Variants in NADK observed in about 807,000 individuals in gnomAD.
The protein encoded by NADK is poly(P)/ATP NAD kinase.
In NADK, 22 loss-of-function variants were observed where a neutral mutation model predicts 49.8. The observed-to-expected ratio is 0.44, with a 90% CI of 0.32 to 0.63. The LOEUF (loss-of-function observed/expected upper bound fraction) is 0.63. Ranked by LOEUF, NADK falls within the 30% of genes least tolerant of loss-of-function variation. The pLI is 0.06. For missense variants in NADK, 438 were observed against 609.4 expected (o/e 0.72, Z 2.96); for synonymous variants, 268 against 253.7 (o/e 1.06, Z -0.54).
rs1354983554 is a variant in NADK at position 1,771,089 on chromosome 1, CAT to C, written c.-40-5645_-40-5644del. Among the ~76,000 whole-genome samples, 31 of 145,314 alleles carry C rather than the reference CAT, an allele frequency of 2.1e-4. 1 individual carries two copies. In the South Asian group the frequency reaches 2.4e-3, roughly 11 times the overall value. On this transcript the variant is annotated intron_variant, in intron 1 of 11. Transcript: ENST00000341426. ...ATATATATATATACACACACACACA[CAT>C]ATATTATTAAAAATATATATCTTAT...
At position 1,757,384 on chromosome 1, in the gene NADK, T is replaced by A. The variant is rs866675255; in HGVS notation, c.264-74A>T. The A allele has an allele frequency of 1.1e-4, 128 of 1,123,732 alleles. 1 individual carries two copies. Among genetic ancestry groups the A allele is most frequent in the African/African-American group, 1.1e-3 (65 of 60,876 alleles). The allele number at this position is 1,123,732 out of a possible 1,614,324, so 69.6% of individuals were successfully genotyped here. A position where few individuals can be genotyped will look rare whatever the true frequency, so the allele number is the denominator to read the frequency against. On this transcript the variant is annotated intron_variant, in intron 3 of 11. Coordinates refer to ENST00000341426, the MANE Select transcript of NADK (RefSeq NM_023018.5). ...CGGAAAAGGTGTATGACTTAGAAAATAAAAAAAAAAATCTTTAAAAAGGTG... is the reference window on the plus strand; with the variant it reads ...CGGAAAAGGTGTATGACTTAGAAAAAAAAAAAAAAAATCTTTAAAAAGGTG...
chr1:1,761,234 G>GC (rs569528574), intron 3 of NADK, among the ~76,000 whole-genome samples: 371 of 152,182 alleles, frequency 2.4e-3, no homozygotes, highest in Non-Finnish European at 3.9e-3. Context: ...CTCGTGATCC[G>GC]CCCCCCTTGG....
At chr1:1,759,885 A>C (rs1179668190) in intron 3 of NADK, 1 of 1,550,644 alleles carries the variant, frequency 6.4e-7, no homozygotes. Context: ...CTGAGATGCG[A>C]GTGACAAAGG....
At chr1:1,765,173 G>C (rs1645846979) in intron 2 of NADK, 55 bp downstream of exon 2, 1 of 1,467,076 alleles carries the variant, frequency 6.8e-7, no homozygotes, top group Admixed American at 2.2e-5. Context: ...TTTTAAGAAA[G>C]AATATTATGA....
rs199931813 is a variant in NADK, at chr1:1,757,111, C to T, written c.393+70G>A. 5.8e-3 allele frequency: 8,997 copies of T among 1,542,862 alleles called. 27 individuals carry two copies. Among genetic ancestry groups the T allele is most frequent in the Non-Finnish European group, 6.9e-3 (7,822 of 1,141,854 alleles). On this transcript the variant is annotated intron_variant, in intron 4 of 11. Transcript: ENST00000341426. ...AGGTGGTTCCCATGGTCTCACGGGG[C>T]GGTGATGTGGATGGAGGCCCCCCCA... is the stretch of plus-strand genomic sequence containing the variant.
Position 1,765,209 on chromosome 1 carries a change from C to T in NADK, c.179+19G>A, listed in dbSNP as rs1365634107. ...AATCAGACGAGAAAAAAAAGAGGAA[C>T]CATCCCTCCCAGTTGTACCTGAACT... On this transcript the variant is annotated intron_variant, in intron 2 of 11. Transcript: ENST00000341426. The T allele has an allele frequency of 6.5e-7, 1 of 1,548,014 alleles. No homozygotes were observed. The highest frequency in any genetic ancestry group is 2.1e-5 in the Admixed American group (1 of 46,918).
chr1:1,758,565 G>A (rs1276459307), intron 3 of NADK: 4 of 1,545,776 alleles, frequency 2.6e-6, no homozygotes, highest in Non-Finnish European at 8.8e-7. Flanking sequence ...CACACTAGAA[G>A]CCTAAGCTCT....
intron 6 of NADK, 152 bp downstream of exon 6, chr1:1,756,106 C>T (rs566007823): frequency 2.2e-4 from 157 of 726,868 alleles, no homozygotes; most frequent in South Asian, 8.2e-4. Flanking sequence ...CGCACCCCAC[C>T]GGGCTGCCAC....
chr1:1,753,361 G>A (rs2072927), intron 11 of NADK, among the ~76,000 whole-genome samples: 58,340 of 152,126 alleles, frequency 0.38, 13,564 homozygotes, highest in Admixed American at 0.54. Context: ...GGCCTCTGCT[G>A]GGGCCAGGCC....
intron 1 of NADK, among the ~76,000 whole-genome samples, chr1:1,772,512 C>A (rs1646081540): frequency 6.6e-6 from 1 of 152,098 alleles, no homozygotes; most frequent in African/African-American, 2.4e-5. Flanking sequence ...GTGGCTTGTG[C>A]CTGTAATCCC....
At position 1,752,587 on chromosome 1, in the gene NADK, G is replaced by T; in HGVS notation, c.*317C>A. ...ATTCTGACTCCTCTGAATTTCAACC[G>T]ACTGATTTGCGGAAAAATATCCTGG... is the stretch of plus-strand genomic sequence containing the variant. On this transcript the variant is annotated 3_prime_UTR_variant, in exon 12 of 12. Coordinates refer to ENST00000341426, the MANE Select transcript of NADK (RefSeq NM_023018.5). The T allele has an allele frequency of 3.6e-6, 1 of 275,520 alleles. No individual in the cohort carries two copies. The highest frequency in any genetic ancestry group is 2.2e-5 in the African/African-American group (1 of 45,884). 17.1% of individuals were successfully genotyped at this position (275,520 alleles called of 1,614,324 possible).
Position 1,754,305 on chromosome 1 carries a change from TGA to T in NADK, c.920_921del (p.Leu307HisfsTer66). ...TTACCGTCGCCCTGCACCGTGGTGA[TGA>T]GGTGTCCGTCCAGGTAGACATCCAC... Reference protein sequence around the residue: ...SNVDVYLDGHLITTVQGDGVI... With the variant: ...SNVDVYLDGHXITTVQGDGVI... On this transcript the variant is annotated frameshift_variant, in exon 9 of 12. Transcript: ENST00000341426. LOFTEE classifies it high-confidence loss of function. The surrounding 1 kb of genome is among the most constrained non-coding windows in gnomAD (Gnocchi z 4.3). 6.2e-7 allele frequency: 1 copy of T among 1,613,786 alleles called. No homozygotes were observed. Among genetic ancestry groups the T allele is most frequent in the Admixed American group, 1.7e-5 (1 of 60,020 alleles).
intron 6 of NADK, chr1:1,755,994 T>C (rs1645507008): frequency 1.8e-6 from 1 of 566,256 alleles, no homozygotes; most frequent in East Asian, 3.0e-5. Flanking sequence ...GGCGAGGTCG[T>C]TTCCCAGGAC....
At chr1:1,769,929 A>C (rs1449091340) in intron 1 of NADK, among the ~76,000 whole-genome samples, 1 of 151,986 alleles carries the variant, frequency 6.6e-6, no homozygotes, top group Non-Finnish European at 1.5e-5. Context: ...ATACAAAAAA[A>C]GGGCTGGGAG....
At chr1:1,780,058 C>T (rs1646325011), upstream of NADK, 2 of 152,226 alleles carry the variant, frequency 1.3e-5, no homozygotes, top group African/African-American at 4.8e-5. Context: ...ATCATGAGAA[C>T]TTGGGGGATT....
At chr1:1,779,450 G>A (rs1490564885), upstream of NADK, among the ~76,000 whole-genome samples, 7 of 152,302 alleles carry the variant, frequency 4.6e-5, no homozygotes, top group African/African-American at 1.4e-4. Flanking sequence ...ACGACCAGCT[G>A]CTCTAACCTG....
chr1:1,773,676 T>TTGTGTGTGTGTG (rs57063985), intron 1 of NADK, among the ~76,000 whole-genome samples: 1 of 116,612 alleles, frequency 8.6e-6, no homozygotes, highest in African/African-American at 3.1e-5. Context: ...AAGCTCTATT[T>TTGTGTGTGTGTG]TGTGTGTGTG....
intron 1 of NADK, among the ~76,000 whole-genome samples, chr1:1,766,277 A>G (rs2100345920): frequency 6.6e-6 from 1 of 151,740 alleles, no homozygotes; most frequent in Admixed American, 6.6e-5. Flanking sequence ...GTGGTTGCGC[A>G]TGTCTGTAAT....
Position 1,759,222 on chromosome 1 carries a change from C to T in NADK, c.264-1912G>A, listed in dbSNP as rs532180092. ...CGCTGTGTGTGACCACAAACCAGCG[C>T]CTCGACCTCTTCCTGGGTCACCTGC... On this transcript the variant is annotated intron_variant, in intron 3 of 11. Transcript: ENST00000341426. The T allele has an allele frequency of 2.5e-6, 4 of 1,575,916 alleles. No homozygotes were observed. In the Admixed American group the frequency reaches 7.2e-5, roughly 29 times the overall value.
Sources: allele counts gnomAD v4.1 joint callset (sites outside exome capture counted in the v4.1 genomes callset), GRCh38; gene constraint gnomAD v4.1.1; non-coding constraint Gnocchi (gnomAD v3.1); transcripts MANE v1.5; gene names NCBI Gene and HGNC (gene_info 2026-07-23, HGNC 2026-07-21).